The following SMCO2 variants were observed in gnomAD, a reference collection of about 807,000 sequenced individuals.
SMCO2 encodes the protein single-pass membrane protein with coiled-coil domains 2.
SMCO2 carries 25 observed loss-of-function variants against 29.5 expected under a neutral mutation model. The ratio of observed to expected loss-of-function variants is 0.85; its 90% confidence interval spans 0.62 to 1.18. SMCO2 has a LOEUF of 1.18. Among genes scored for constraint, SMCO2 ranks in the 50% most tolerant of loss-of-function variants. SMCO2 has a pLI of 0.00. For synonymous variants in SMCO2, 117 were observed against 123.3 expected, an observed-to-expected ratio of 0.95 and a Z score of 0.34; for missense variants, 348 against 344.5, an observed-to-expected ratio of 1.01 and a Z score of -0.08.
chr12:27,466,302 C>T (rs916873694), upstream of SMCO2, among the ~76,000 whole-genome samples: 2 of 152,152 alleles, frequency 1.3e-5, no homozygotes, highest in Non-Finnish European at 2.9e-5. Context: ...ATCCCAGCTA[C>T]TCAGGAGGCT....
chr12:27,450,122 C>T, the SMCO2 span, among the ~76,000 whole-genome samples: 2 of 152,360 alleles, frequency 1.3e-5, no homozygotes, highest in African/African-American at 2.4e-5. Context: ...CTCAGCTCTG[C>T]TCCTCTCAGG....
intron 4 of SMCO2, among the ~76,000 whole-genome samples, chr12:27,479,466 G>C (rs556941954): frequency 2.6e-5 from 4 of 152,330 alleles, no homozygotes; most frequent in African/African-American, 9.6e-5. Flanking sequence ...GTATTTGTCA[G>C]GGTTCTCTAA....
the SMCO2 span, among the ~76,000 whole-genome samples, chr12:27,426,585 CAAT>C: frequency 5.3e-5 from 8 of 152,076 alleles, no homozygotes; most frequent in African/African-American, 1.9e-4. Flanking sequence ...GTAATTTTAA[CAAT>C]GATCATTATA....
At chr12:27,451,853 A>G in the SMCO2 span, among the ~76,000 whole-genome samples, 1 of 152,226 alleles carries the variant, frequency 6.6e-6, no homozygotes, top group African/African-American at 2.4e-5. Flanking sequence ...CTCCTGTCCC[A>G]ACTACCCTCC....
At chr12:27,424,854 T>C in the SMCO2 span, 5 of 152,238 alleles carry the variant, frequency 3.3e-5, no homozygotes, top group South Asian at 2.1e-4. Flanking sequence ...ATCTTTTTTT[T>C]CCAAGCTCCA....
intron 4 of SMCO2, among the ~76,000 whole-genome samples, 181 bp downstream of exon 4, chr12:27,475,094 T>C (rs1949573700): frequency 6.6e-6 from 1 of 152,174 alleles, no homozygotes; most frequent in Non-Finnish European, 1.5e-5. Context: ...TGTAAGGACA[T>C]TTTAGGGATG....
At chr12:27,427,005 C>G in the SMCO2 span, among the ~76,000 whole-genome samples, 2 of 152,188 alleles carry the variant, frequency 1.3e-5, no homozygotes, top group African/African-American at 4.8e-5. Flanking sequence ...CTCTTAGAGA[C>G]AATTGAAAAC....
chr12:27,482,544 G>C (rs1345566723), intron 4 of SMCO2, among the ~76,000 whole-genome samples: 2 of 152,050 alleles, frequency 1.3e-5, no homozygotes, highest in African/African-American at 4.8e-5. Flanking sequence ...CAGGTGATCC[G>C]CCCACATTGG....
chr12:27,490,744 A>G (rs916307128), intron 5 of SMCO2, among the ~76,000 whole-genome samples: 18 of 152,168 alleles, frequency 1.2e-4, no homozygotes, highest in African/African-American at 4.3e-4. Context: ...AGCCACGGCA[A>G]CATAGCGAGA....
the SMCO2 span, among the ~76,000 whole-genome samples, chr12:27,440,453 G>A: frequency 3.3e-5 from 5 of 152,144 alleles, no homozygotes; most frequent in Non-Finnish European, 7.4e-5. Flanking sequence ...GACAAACCCG[G>A]AATACTCTAT....
At chr12:27,444,635 T>C in the SMCO2 span, among the ~76,000 whole-genome samples, 8 of 152,310 alleles carry the variant, frequency 5.3e-5, no homozygotes, top group Admixed American at 5.2e-4. Context: ...CACAATGTGA[T>C]CGTATCTGTC....
At chr12:27,469,041 A>T (rs1345086654) in intron 1 of SMCO2, among the ~76,000 whole-genome samples, 2 of 152,178 alleles carry the variant, frequency 1.3e-5, no homozygotes, top group Non-Finnish European at 1.5e-5. Context: ...CTTGGGGGAG[A>T]CATTGAGATG....
intron 5 of SMCO2, 44 bp downstream of exon 6, chr12:27,488,591 G>T: frequency 7.1e-7 from 1 of 1,414,994 alleles, no homozygotes; most frequent in Non-Finnish European, 9.5e-7. Context: ...GGGGATTTCT[G>T]TCACTTCTTT....
the SMCO2 span, among the ~76,000 whole-genome samples, chr12:27,443,748 A>G: frequency 1.3e-5 from 2 of 152,220 alleles, no homozygotes; most frequent in Non-Finnish European, 1.5e-5. Context: ...CAAGACACCT[A>G]GGAATCAATC....
At chr12:27,492,071 T>C (rs1224140477) in intron 5 of SMCO2, among the ~76,000 whole-genome samples, 3 of 152,170 alleles carry the variant, frequency 2.0e-5, no homozygotes, top group African/African-American at 4.8e-5. Context: ...AAAAATATCC[T>C]CCTCCCTTAA....
chr12:27,489,426 C>A (rs780775060), intron 5 of SMCO2, among the ~76,000 whole-genome samples: 4 of 152,054 alleles, frequency 2.6e-5, no homozygotes, highest in Non-Finnish European at 5.9e-5. Context: ...AGTTAGATTT[C>A]GGAGTCCTGG....
At position 27,482,126 on chromosome 12, in the gene SMCO2, A is replaced by G. The variant is rs148052595; in HGVS notation, c.363-6334A>G. Among the ~76,000 whole-genome samples, 15 of 151,544 alleles carry G rather than the reference A, an allele frequency of 9.9e-5. No homozygotes were observed. In the East Asian group the frequency reaches 2.9e-3, roughly 29 times the overall value. On this transcript the variant is annotated intron_variant, in intron 4 of 7. Coordinates refer to ENST00000298876, the Ensembl canonical transcript of SMCO2. ...GATTTGAGATCTCTTGTCTTTTTCT[A>G]TTATAATAATCAGTTAGTGCTCTGC...
At chr12:27,449,039 A>G in the SMCO2 span, among the ~76,000 whole-genome samples, 35 of 152,348 alleles carry the variant, frequency 2.3e-4, no homozygotes, top group African/African-American at 8.2e-4. Context: ...GTTGAGGACT[A>G]AGGCCAGCCT....
chr12:27,469,826 A>G (rs1949526981), intron 1 of SMCO2, among the ~76,000 whole-genome samples: 1 of 152,138 alleles, frequency 6.6e-6, no homozygotes, highest in African/African-American at 2.4e-5. Flanking sequence ...AAGTACTCCA[A>G]CAATTCACTC....
Sources: gnomAD v4.1 joint callset for allele counts (sites outside exome capture counted in the v4.1 genomes callset) on GRCh38, gnomAD v4.1.1 for gene constraint, MANE v1.5 for transcripts, NCBI Gene and HGNC (gene_info 2026-07-23, HGNC 2026-07-21) for gene names.